The following FAM114A1 variants were observed in gnomAD, a reference collection of about 807,000 sequenced individuals.
FAM114A1 encodes the protein family with sequence similarity 114 member A1, also known as protein NOXP20.
A neutral mutation model predicts 64.3 loss-of-function variants in FAM114A1; 62 were observed. That is an observed-to-expected ratio of 0.96 (90% CI 0.79 to 1.19). The LOEUF is 1.19. FAM114A1 is among the 50% of genes most tolerant of loss of function. The pLI, the probability that FAM114A1 is intolerant of heterozygous loss-of-function variation, is 0.00. For missense variants in FAM114A1, 645 were observed against 676.3 expected, an observed-to-expected ratio of 0.95 and a Z score of 0.51; for synonymous variants, 254 against 251.1, an observed-to-expected ratio of 1.01 and a Z score of -0.11.
chr4:38,890,125 G>T lies in FAM114A1; in HGVS notation c.349-1618G>T, dbSNP rs1485186194. On this transcript the variant is annotated intron_variant, in intron 3 of 14. Transcript: ENST00000358869. ...GCAAGGGTAGAAAATAACAAGGGAGGCTGGGCATGGTGGCTCACACCTGTA... is the reference window on the plus strand; with the variant it reads ...GCAAGGGTAGAAAATAACAAGGGAGTCTGGGCATGGTGGCTCACACCTGTA... Among the ~76,000 whole-genome samples, 5 of 152,132 alleles carry T rather than the reference G, an allele frequency of 3.3e-5. No individual in the cohort carries two copies. The East Asian group carries it at 9.6e-4, about 29-fold the overall frequency.
intron 8 of FAM114A1, among the ~76,000 whole-genome samples, chr4:38,915,893 T>TCTG (rs1719008399): frequency 6.6e-6 from 1 of 152,088 alleles, no homozygotes; most frequent in Non-Finnish European, 1.5e-5. Context: ...GTTTTGTGGA[T>TCTG]GTCAGGCTGA....
intron 8 of FAM114A1, among the ~76,000 whole-genome samples, chr4:38,921,545 A>G (rs1237127406): frequency 7.9e-5 from 12 of 152,070 alleles, no homozygotes; most frequent in Non-Finnish European, 1.6e-4. Context: ...TACAGGGGTG[A>G]ACCACCATGC....
In FAM114A1 at chr4:38,901,778, A is replaced by G. The variant is rs548128538; in HGVS notation, c.437-3744A>G. 4.6e-5 allele frequency among the ~76,000 whole-genome samples: 7 copies of G among 152,310 alleles called. No individual in the cohort carries two copies. The South Asian group carries it at 1.5e-3, about 32-fold the overall frequency. On this transcript the variant is annotated intron_variant, in intron 4 of 14. Transcript: ENST00000358869. ...AAAAAGATCAAAGTGGATGTGTAAG[A>G]TAGCCCTACACAGTGTCTTGAGAAT... is the stretch of plus-strand genomic sequence containing the variant.
chr4:38,897,005 C>A (rs1456358487), intron 4 of FAM114A1, among the ~76,000 whole-genome samples: 2 of 152,150 alleles, frequency 1.3e-5, no homozygotes, highest in African/African-American at 4.8e-5. Flanking sequence ...GAAACCATTA[C>A]CTCTAACAGT....
intron 4 of FAM114A1, among the ~76,000 whole-genome samples, chr4:38,896,858 T>C (rs1011128800): frequency 6.6e-6 from 1 of 152,098 alleles, no homozygotes; most frequent in Non-Finnish European, 1.5e-5. Flanking sequence ...GGAAAGAAAA[T>C]AACCACATGT....
chr4:38,942,562 T>C (rs181232986), intron 14 of FAM114A1, among the ~76,000 whole-genome samples: 43 of 152,316 alleles, frequency 2.8e-4, no homozygotes, highest in Admixed American at 2.2e-3. Flanking sequence ...CCCCAATAGA[T>C]GTTTTCACAT....
intron 3 of FAM114A1, among the ~76,000 whole-genome samples, chr4:38,887,691 A>G (rs1715955440): frequency 6.6e-6 from 1 of 152,262 alleles, no homozygotes; most frequent in Non-Finnish European, 1.5e-5. Flanking sequence ...TGAATAGCGT[A>G]TCTTCCATGC....
chr4:38,938,002 G>T (rs1291304141), intron 13 of FAM114A1, among the ~76,000 whole-genome samples: 1 of 152,110 alleles, frequency 6.6e-6, no homozygotes, highest in Admixed American at 6.5e-5. Flanking sequence ...CTCCCAAAAT[G>T]CTGGGATTAC....
At chr4:38,916,141 G>T (rs1258052266) in intron 8 of FAM114A1, among the ~76,000 whole-genome samples, 2 of 152,186 alleles carry the variant, frequency 1.3e-5, no homozygotes, top group Non-Finnish European at 2.9e-5. Flanking sequence ...GACAACATCT[G>T]CCACATAACA....
At chr4:38,891,704 A>C in intron 3 of FAM114A1, 39 bp from the exon 4 acceptor site, 1 of 1,534,806 alleles carries the variant, frequency 6.5e-7, no homozygotes, top group South Asian at 1.2e-5. Context: ...TCAGAGATAT[A>C]CTGAATTTCT....
intron 9 of FAM114A1, 54 bp from the exon 10 acceptor site, chr4:38,929,188 C>A: frequency 7.0e-7 from 1 of 1,420,720 alleles, no homozygotes; most frequent in Non-Finnish European, 9.9e-7. Context: ...GGAGCTGCCA[C>A]ATCCTGAAGG....
intron 8 of FAM114A1, among the ~76,000 whole-genome samples, chr4:38,917,684 T>G (rs1719204910): frequency 6.6e-6 from 1 of 152,108 alleles, no homozygotes; most frequent in South Asian, 2.1e-4. Context: ...GGAGAATGAT[T>G]CCATTGTGGT....
intron 2 of FAM114A1, among the ~76,000 whole-genome samples, chr4:38,871,116 G>T (rs1233057025): frequency 2.3e-5 from 3 of 131,734 alleles, no homozygotes; most frequent in Admixed American, 8.7e-5. Context: ...TTGCGACAGG[G>T]TCTCACACTG....
chr4:38,928,351 A>G (rs1487321074), intron 9 of FAM114A1, among the ~76,000 whole-genome samples: 1 of 152,218 alleles, frequency 6.6e-6, no homozygotes, highest in South Asian at 2.1e-4. Flanking sequence ...GGCACCTTTC[A>G]GAACTGTTAA....
At chr4:38,910,245 A>C (rs1718410272) in intron 7 of FAM114A1, among the ~76,000 whole-genome samples, 1 of 152,204 alleles carries the variant, frequency 6.6e-6, no homozygotes, top group Non-Finnish European at 1.5e-5. Context: ...TCTCAAAAAA[A>C]AAAAAGAAGA....
At chr4:38,890,900 T>G (rs562854646) in intron 3 of FAM114A1, among the ~76,000 whole-genome samples, 15 of 152,194 alleles carry the variant, frequency 9.9e-5, no homozygotes, top group Non-Finnish European at 1.6e-4. Flanking sequence ...CAGCAGGGCC[T>G]TCAGAGGGAC....
chr4:38,888,651 T>C lies in FAM114A1; in HGVS notation c.349-3092T>C, dbSNP rs370467946. ...CCCTTTTGATTAAGCCAAATCTAAT[T>C]TGCTGTTATAAGAGTTATGGGGAGC... On this transcript the variant is annotated intron_variant, in intron 3 of 14. Coordinates refer to ENST00000358869, the MANE Select transcript of FAM114A1 (RefSeq NM_138389.4). Among the ~76,000 whole-genome samples the C allele has an allele frequency of 6.6e-5, 10 of 152,354 alleles. No individual in the cohort carries two copies. In the East Asian group the frequency reaches 1.7e-3, roughly 26 times the overall value.
intron 7 of FAM114A1, among the ~76,000 whole-genome samples, chr4:38,910,391 T>C (rs950548095): frequency 5.7e-4 from 87 of 152,332 alleles, no homozygotes; most frequent in African/African-American, 1.9e-3. Flanking sequence ...TGAATATTCC[T>C]GCTCACACAG....
intron 7 of FAM114A1, among the ~76,000 whole-genome samples, chr4:38,910,199 A>G (rs1718405692): frequency 6.6e-6 from 1 of 152,180 alleles, no homozygotes; most frequent in East Asian, 1.9e-4. Flanking sequence ...AGATTGTGCC[A>G]CTGCACTCTA....
Sources: gnomAD v4.1 joint callset for allele counts (sites outside exome capture counted in the v4.1 genomes callset) on GRCh38, gnomAD v4.1.1 for gene constraint, MANE v1.5 for transcripts, NCBI Gene and HGNC (gene_info 2026-07-23, HGNC 2026-07-21) for gene names.